Variants in DBH observed in about 807,000 individuals in gnomAD.
DBH encodes dopamine beta-hydroxylase (dopamine beta-monooxygenase).
DBH carries 49 observed loss-of-function variants against 64.0 expected under a neutral mutation model. The ratio of observed to expected loss-of-function variants is 0.77; its 90% CI spans 0.61 to 0.97. The LOEUF (loss-of-function observed/expected upper bound fraction) is 0.97, where lower values mean the gene tolerates loss of function less well. Ranked by LOEUF, DBH falls within the 50% of genes least tolerant of loss-of-function variation. DBH has a pLI of 0.00. For synonymous variants in DBH, 343 were observed against 347.1 expected, an observed-to-expected ratio of 0.99 and a Z score of 0.13; for missense variants, 828 against 826.6, an observed-to-expected ratio of 1.00 and a Z score of -0.02.
rs776872469 is a variant in DBH, at chr9:133,658,317, G to T, written c.1724G>T (p.Gly575Val). 2.2e-5 allele frequency: 35 copies of T among 1,613,784 alleles called. No homozygotes were observed. Among genetic ancestry groups the T allele is most frequent in the Non-Finnish European group, 3.0e-5 (35 of 1,179,896 alleles). Residue 575 changes from glycine to valine, a missense_variant and splice_region_variant, in exon 12 of 12, where the codon GGT becomes GTT. By Grantham distance (109) the Gly-to-Val change is moderately radical. Transcript: ENST00000393056. ...CNKSSAVRFQ[G>V]EWNLQPLPKV... ...TACCTCCTGCCCCCTTCCTTGCAGG[G>T]TGAATGGAACCTGCAGCCCCTGCCC... is the stretch of plus-strand genomic sequence containing the variant.
intron 11 of DBH, 186 bp downstream of exon 11, chr9:133,657,415 GGA>G (rs1417790300): frequency 3.2e-3 from 148 of 46,240 alleles, no homozygotes; most frequent in South Asian, 0.028. Context: ...AGAGGAGAGA[GGA>G]GAGAGAGGAG....
rs1028926379 is a variant in DBH at position 133,643,166 on chromosome 9, C to T, written c.745-247C>T. Reference sequence around the variant, plus strand: ...GGCCACAGCCCCATATGCATGAGGACGGCTGCGTCCTGTCCCTGCCTTGGC... The same window carrying T: ...GGCCACAGCCCCATATGCATGAGGATGGCTGCGTCCTGTCCCTGCCTTGGC... On this transcript the variant is annotated intron_variant, in intron 3 of 11. Coordinates refer to ENST00000393056, the MANE Select transcript of DBH (RefSeq NM_000787.4). The surrounding 1 kb of genome is among the most constrained non-coding windows in gnomAD (Gnocchi z 5.3). 1.4e-5 allele frequency among the ~76,000 whole-genome samples: 2 copies of T among 143,472 alleles called. No homozygotes were observed. The highest frequency in any genetic ancestry group is 2.6e-5 in the African/African-American group (1 of 38,258). 94.1% of individuals were successfully genotyped at this position (143,472 alleles called of 152,430 possible).
In DBH at chr9:133,651,776, A is replaced by C; in HGVS notation, c.1334A>C (p.Gln445Pro). Residue 445 changes from glutamine (Q) to proline (P), a missense_variant and splice_region_variant, in exon 7 of 12, where the codon CAG becomes CCG. Gln to Pro is a moderately conservative substitution (Grantham distance 76). Transcript: ENST00000393056. ...GACAATCACTACAGCCCTCACTTCC[A>C]GGTAGGAACCTGCACCCCACCCCTG... ...NQDNHYSPHFQEIRMLKKVVS... is the reference protein window; with the variant it reads ...NQDNHYSPHFPEIRMLKKVVS... 1 of 1,590,192 alleles carries C rather than the reference A, an allele frequency of 6.3e-7. No individual in the cohort carries two copies. Among genetic ancestry groups the C allele is most frequent in the Non-Finnish European group, 8.6e-7 (1 of 1,169,024 alleles).
chr9:133,658,220 G>A (rs1487215057), intron 11 of DBH, 96 bp from the exon 12 acceptor site: 36 of 1,534,744 alleles, frequency 2.3e-5, no homozygotes, highest in Non-Finnish European at 3.1e-5. Flanking sequence ...TGAGTTTGAG[G>A]GCAAGAATCC....
At position 133,643,312 on chromosome 9, in the gene DBH, C is replaced by T. The variant is rs1197902655; in HGVS notation, c.745-101C>T. 1 of 1,267,692 alleles carries T rather than the reference C, an allele frequency of 7.9e-7. No homozygotes were observed. Among genetic ancestry groups the T allele is most frequent in the Non-Finnish European group, 1.1e-6 (1 of 881,392 alleles). The allele number at this position is 1,267,692 out of a possible 1,614,324, so 78.5% of individuals were successfully genotyped here. On this transcript the variant is annotated intron_variant, in intron 3 of 11. Coordinates refer to ENST00000393056, the MANE Select transcript of DBH (RefSeq NM_000787.4). This position sits in a 1 kb window ranked among gnomAD's most constrained non-coding sequence, Gnocchi z 5.3. ...CCCTGAAATTGTCTGGATCATCCCT[C>T]CCATTTTACAGATGGGCATTCGGAA...
Position 133,658,297 on chromosome 9 carries a change from C to T in DBH, c.1723-19C>T, listed in dbSNP as rs2131297445. The T allele has an allele frequency of 6.2e-7, 1 of 1,613,752 alleles. No individual in the cohort carries two copies. The highest frequency in any genetic ancestry group is 8.5e-7 in the Non-Finnish European group (1 of 1,179,804). On this transcript the variant is annotated intron_variant, in intron 11 of 11. Coordinates refer to ENST00000393056, the MANE Select transcript of DBH (RefSeq NM_000787.4). ...TTGCCCCTCCAGCCTCAGTTTACCT[C>T]CTGCCCCCTTCCTTGCAGGGTGAAT...
intron 8 of DBH, 131 bp downstream of exon 8, chr9:133,652,415 G>C (rs1209354264): frequency 3.5e-6 from 4 of 1,134,018 alleles, no homozygotes; most frequent in Non-Finnish European, 5.2e-6. Flanking sequence ...AGGGCAGGGG[G>C]AGGGTGCCTG....
chr9:133,647,762 G>C, intron 5 of DBH, 84 bp from the exon 6 acceptor site: 1 of 1,549,538 alleles, frequency 6.5e-7, no homozygotes, highest in Non-Finnish European at 8.8e-7. Flanking sequence ...AGGGTGGCTG[G>C]GGTCATAGGG....
chr9:133,646,947 GAC>G (rs1364446529), intron 5 of DBH, among the ~76,000 whole-genome samples: 3 of 152,198 alleles, frequency 2.0e-5, no homozygotes, highest in Admixed American at 6.5e-5. Context: ...ATAATCAGGA[GAC>G]ACAGTCTCCG....
Position 133,638,096 on chromosome 9 carries a change from G to A in DBH, c.339+1386G>A, listed in dbSNP as rs572200019. Among the ~76,000 whole-genome samples, 307 of 152,370 alleles carry A rather than the reference G, an allele frequency of 2.0e-3. 1 individual carries two copies. The highest frequency in any genetic ancestry group is 0.014 in the Middle Eastern group (4 of 294). On this transcript the variant is annotated intron_variant, in intron 1 of 11. Transcript: ENST00000393056. The stretch of plus-strand genomic sequence containing the variant: ...CTGCCTGCATTTCCCGGCTGCTAGG[G>A]AAGCCAGAGGAAGCCAGGTGACTTT...
chr9:133,649,475 C>T (rs531343992), intron 6 of DBH, among the ~76,000 whole-genome samples: 102 of 152,298 alleles, frequency 6.7e-4, no homozygotes, highest in Admixed American at 1.6e-3. Context: ...CAGCAGATTT[C>T]GTTGTAATGA....
chr9:133,657,474 G>A (rs1006122430), intron 11 of DBH, among the ~76,000 whole-genome samples: 1 of 144,818 alleles, frequency 6.9e-6, no homozygotes, highest in Non-Finnish European at 1.5e-5. Flanking sequence ...GGGAGAGAGG[G>A]AGAGGGAGAG....
rs1191174466 is a variant in DBH, at chr9:133,658,442, G to T, written c.1849G>T (p.Gly617Cys). The change falls in exon 12 of 12, where the codon GGC becomes TGC. Residue 617 changes from glycine to cysteine, a missense_variant. Transcript: ENST00000393056. ...CGTTGTCAGCATTGGTGGGGGCAAAGGCTGAGGGGGGACCTACTCCTCCCC... is the reference window on the plus strand; with the variant it reads ...CGTTGTCAGCATTGGTGGGGGCAAATGCTGAGGGGGGACCTACTCCTCCCC... ...PTVVSIGGGK[G>C] 1 of 1,607,232 alleles carries T rather than the reference G, an allele frequency of 6.2e-7. No individual in the cohort carries two copies. Among genetic ancestry groups the T allele is most frequent in the Non-Finnish European group, 8.5e-7 (1 of 1,175,628 alleles).
Position 133,642,260 on chromosome 9 carries a change from G to A in DBH, c.540G>A (p.Leu180=), listed in dbSNP as rs189221560. 1 of 1,614,050 alleles carries A rather than the reference G, an allele frequency of 6.2e-7. No individual in the cohort carries two copies. The highest frequency in any genetic ancestry group is 1.3e-5 in the African/African-American group (1 of 75,044). ...TCCTGGAGGAGCCGTTCCGGTCACTGGAGGCCATCAACGGCTCGGGCCTGC... is the reference window on the plus strand; with the variant it reads ...TCCTGGAGGAGCCGTTCCGGTCACTAGAGGCCATCAACGGCTCGGGCCTGC... ...YGILEEPFRS[L]EAINGSGLQM... The change falls in exon 3 of 12, where the codon CTG becomes CTA. Residue 180 remains leucine, a synonymous_variant. Transcript: ENST00000393056.
chr9:133,652,929 C>CG lies in DBH; in HGVS notation c.1375-11_1375-10insG. On this transcript the variant is annotated splice_polypyrimidine_tract_variant and intron_variant, in intron 8 of 11. Coordinates refer to ENST00000393056, the MANE Select transcript of DBH (RefSeq NM_000787.4). ...TGGCAGGTGCTGATGGTCACATTGG[C>CG]TTTTCCTCAGGGAGATGTGCTCATC... The CG allele has an allele frequency of 1.9e-6, 3 of 1,612,640 alleles. No homozygotes were observed. The highest frequency in any genetic ancestry group is 2.5e-6 in the Non-Finnish European group (3 of 1,179,094).
chr9:133,652,114 A>T, intron 7 of DBH, 132 bp from the exon 8 acceptor site: 1 of 1,009,482 alleles, frequency 9.9e-7, no homozygotes. Flanking sequence ...TCTGGCTTCC[A>T]CTGTAGAGGC....
intron 2 of DBH, among the ~76,000 whole-genome samples, chr9:133,641,673 G>A (rs1483209767): frequency 3.9e-5 from 6 of 152,226 alleles, no homozygotes; most frequent in Non-Finnish European, 8.8e-5. Flanking sequence ...CCAGCACCGC[G>A]TAGATCCATG....
At chr9:133,650,805 C>A (rs1230434359) in intron 6 of DBH, among the ~76,000 whole-genome samples, 1 of 152,194 alleles carries the variant, frequency 6.6e-6, no homozygotes, top group Non-Finnish European at 1.5e-5. Flanking sequence ...GCCTCAGCCT[C>A]CCAAAGTGCT....
intron 11 of DBH, 46 bp downstream of exon 11, chr9:133,657,275 CATGGGGGGCCCCA>C (rs1187358337): frequency 6.8e-6 from 11 of 1,610,444 alleles, no homozygotes; most frequent in Non-Finnish European, 8.5e-6. Flanking sequence ...AGGCAGGCCT[CATGGGGGGCCCCA>C]GTGAGGGGTG....
Sources: allele counts gnomAD v4.1 joint callset (sites outside exome capture counted in the v4.1 genomes callset), GRCh38; gene constraint gnomAD v4.1.1; non-coding constraint Gnocchi (gnomAD v3.1); transcripts MANE v1.5; gene names NCBI Gene and HGNC (gene_info 2026-07-23, HGNC 2026-07-21).